The following GRXCR2 variants were observed in gnomAD, a reference collection of about 807,000 sequenced individuals.
The protein encoded by GRXCR2 is glutaredoxin and cysteine rich domain containing 2.
A neutral mutation model predicts 24.8 loss-of-function variants in GRXCR2; 23 were observed. The observed-to-expected ratio is 0.93, with a 90% CI of 0.67 to 1.32. GRXCR2 has a LOEUF of 1.32. Ranked by LOEUF, GRXCR2 falls within the 40% of genes most tolerant of loss-of-function variation. The pLI, the probability that GRXCR2 is intolerant of heterozygous loss-of-function variation, is 0.00. For synonymous variants in GRXCR2, 130 were observed against 116.1 expected, an observed-to-expected ratio of 1.12 and a Z score of -0.77; for missense variants, 315 against 303.4, an observed-to-expected ratio of 1.04 and a Z score of -0.28.
intron 2 of GRXCR2, among the ~76,000 whole-genome samples, chr5:145,880,789 T>A (rs1322434180): frequency 2.0e-5 from 3 of 152,186 alleles, no homozygotes; most frequent in African/African-American, 7.2e-5. Flanking sequence ...AATAACATAC[T>A]GGCAAACCAA....
At chr5:145,891,179 A>G (rs1243497500) in intron 2 of GRXCR2, among the ~76,000 whole-genome samples, 1 of 152,208 alleles carries the variant, frequency 6.6e-6, no homozygotes, top group Non-Finnish European at 1.5e-5. Flanking sequence ...GAATAGGAAC[A>G]GCTCCAGTCT....
chr5:145,894,252 A>G (rs981246272), intron 2 of GRXCR2, among the ~76,000 whole-genome samples: 11 of 152,206 alleles, frequency 7.2e-5, no homozygotes, highest in African/African-American at 2.7e-4. Context: ...ACACATTCAA[A>G]AGCTAGCAGA....
intron 2 of GRXCR2, among the ~76,000 whole-genome samples, chr5:145,904,967 C>T (rs1344529502): frequency 6.6e-6 from 1 of 152,136 alleles, no homozygotes; most frequent in East Asian, 1.9e-4. Flanking sequence ...TCCAAACAAG[C>T]AAGTCCGCAT....
intron 2 of GRXCR2, among the ~76,000 whole-genome samples, chr5:145,897,545 C>A (rs967048705): frequency 1.3e-5 from 2 of 152,012 alleles, no homozygotes; most frequent in East Asian, 3.9e-4. Context: ...GAACATACTT[C>A]AAGATTGACC....
At chr5:145,928,467 G>A (rs1413938863) in intron 2 of GRXCR2, among the ~76,000 whole-genome samples, 13 of 151,832 alleles carry the variant, frequency 8.6e-5, no homozygotes, top group South Asian at 2.1e-4. Flanking sequence ...TGTTTATTGC[G>A]GCACTATTCA....
intron 2 of GRXCR2, among the ~76,000 whole-genome samples, chr5:145,912,977 C>G (rs1020278694): frequency 1.3e-5 from 2 of 152,162 alleles, no homozygotes; most frequent in African/African-American, 4.8e-5. Context: ...AAACAGTAAC[C>G]CTGGTCAAAT....
chr5:145,866,457 T>G, intron 2 of GRXCR2, 44 bp downstream of exon 2: 1 of 1,437,602 alleles, frequency 7.0e-7, no homozygotes, highest in Non-Finnish European at 9.7e-7. Flanking sequence ...AGACCATTGC[T>G]GTAGGGCCAG....
At chr5:145,906,737 G>GAT (rs1177778495) in intron 2 of GRXCR2, among the ~76,000 whole-genome samples, 1 of 152,078 alleles carries the variant, frequency 6.6e-6, no homozygotes, top group African/African-American at 2.4e-5. Context: ...CTACTCTTCC[G>GAT]GGCACTGGAA....
upstream of GRXCR2, among the ~76,000 whole-genome samples, chr5:145,876,620 T>A (rs1756621817): frequency 6.6e-6 from 1 of 152,188 alleles, no homozygotes; most frequent in South Asian, 2.1e-4. Context: ...CCAAAATGAA[T>A]GTCAGTAACA....
intron 2 of GRXCR2, among the ~76,000 whole-genome samples, chr5:145,886,747 T>C (rs1756784630): frequency 6.6e-6 from 1 of 152,180 alleles, no homozygotes; most frequent in South Asian, 2.1e-4. Context: ...GTAGTAACAT[T>C]GAGAAAGCAA....
intron 1 of GRXCR2, among the ~76,000 whole-genome samples, chr5:145,871,224 G>C (rs1756526890): frequency 6.6e-6 from 1 of 152,158 alleles, no homozygotes; most frequent in South Asian, 2.1e-4. Context: ...ATAAGACATA[G>C]TTAAAAAGAA....
chr5:145,900,751 A>C (rs902279590), intron 2 of GRXCR2, among the ~76,000 whole-genome samples: 1 of 152,248 alleles, frequency 6.6e-6, no homozygotes, highest in Non-Finnish European at 1.5e-5. Flanking sequence ...AAGAACTTAA[A>C]TCAGAGCTGC....
intron 2 of GRXCR2, among the ~76,000 whole-genome samples, chr5:145,910,901 T>A (rs1757155803): frequency 6.6e-6 from 1 of 151,880 alleles, no homozygotes; most frequent in South Asian, 2.1e-4. Context: ...TACAGGCACA[T>A]CCCCACTCTG....
intron 2 of GRXCR2, among the ~76,000 whole-genome samples, chr5:145,919,706 G>A (rs1757297514): frequency 6.6e-6 from 1 of 152,100 alleles, no homozygotes; most frequent in Non-Finnish European, 1.5e-5. Context: ...CCTTATCTTT[G>A]TCATCCGCCT....
chr5:145,879,320 A>C (rs1756665677), intron 2 of GRXCR2, among the ~76,000 whole-genome samples: 1 of 151,690 alleles, frequency 6.6e-6, no homozygotes, highest in Non-Finnish European at 1.5e-5. Flanking sequence ...AGAGACACAC[A>C]TAGGCTCAAA....
At chr5:145,874,870 T>G (rs2149913093), upstream of GRXCR2, among the ~76,000 whole-genome samples, 1 of 152,276 alleles carries the variant, frequency 6.6e-6, no homozygotes, top group East Asian at 1.9e-4. Flanking sequence ...CTTACCCATT[T>G]CTCAAACCCA....
intron 2 of GRXCR2, among the ~76,000 whole-genome samples, chr5:145,886,466 C>A (rs1304492739): frequency 6.6e-6 from 1 of 152,148 alleles, no homozygotes. Context: ...AAACCACAGG[C>A]CAAAATCTGG....
At chr5:145,895,778 C>G (rs1034701125) in intron 2 of GRXCR2, among the ~76,000 whole-genome samples, 5 of 152,158 alleles carry the variant, frequency 3.3e-5, no homozygotes, top group Admixed American at 1.3e-4. Context: ...TTGGAAAAAA[C>G]TACTTTAAAG....
rs1203992533 is a variant in GRXCR2, at chr5:145,872,667, G to A, written c.302C>T (p.Pro101Leu). 1.9e-6 allele frequency: 3 copies of A among 1,607,596 alleles called. No individual in the cohort carries two copies. The highest frequency in any genetic ancestry group is 3.3e-5 in the Admixed American group (2 of 59,732). ...GNAYTLAGGQ[P>L]RFNDYKANDH... is the part of the protein sequence containing the mutation. The stretch of plus-strand genomic sequence containing the variant: ...ATTCGCCTTGTAATCGTTGAACCGA[G>A]GCTGGCCGCCTGCCAAGGTGTAGGC... The change falls in exon 1 of 3, where the codon CCT becomes CTT. Residue 101 changes from proline to leucine, a missense_variant. Pro to Leu is a moderately conservative substitution (Grantham distance 98). Coordinates refer to ENST00000377976, the MANE Select transcript of GRXCR2 (RefSeq NM_001080516.2).
Sources: allele counts gnomAD v4.1 joint callset (sites outside exome capture counted in the v4.1 genomes callset), GRCh38; gene constraint gnomAD v4.1.1; transcripts MANE v1.5; gene names NCBI Gene and HGNC (gene_info 2026-07-23, HGNC 2026-07-21).